COL22A1: variants seen among roughly 807,000 people sequenced by gnomAD.
COL22A1 encodes the protein collagen type XXII alpha 1 chain.
COL22A1 carries 221 observed loss-of-function variants against 248.9 expected under a neutral mutation model. The ratio of observed to expected loss-of-function variants is 0.89; its 90% CI spans 0.80 to 0.99. The LOEUF (loss-of-function observed/expected upper bound fraction) is 0.99. Among genes scored for constraint, COL22A1 ranks in the 50% least tolerant of loss-of-function variants. The probability of loss-of-function intolerance (pLI) is 0.00; values close to 1 mark genes in which losing one functional copy is unlikely to be tolerated. For synonymous variants in COL22A1, 891 were observed against 793.4 expected (o/e 1.12, Z -2.07); for missense variants, 2,240 against 2,179.0 (o/e 1.03, Z -0.56).
At chr8:138,814,662 C>T (rs1818527100) in intron 7 of COL22A1, among the ~76,000 whole-genome samples, 2 of 152,192 alleles carry the variant, frequency 1.3e-5, no homozygotes, top group African/African-American at 2.4e-5. Flanking sequence ...ATGACTGTAG[C>T]ATTGGCCAGC....
chr8:138,665,137 G>A (rs539508109), intron 41 of COL22A1, among the ~76,000 whole-genome samples: 2 of 152,280 alleles, frequency 1.3e-5, no homozygotes, highest in South Asian at 4.1e-4. Context: ...TTTTAAGTGT[G>A]TATTTGGGCA....
intron 1 of COL22A1, among the ~76,000 whole-genome samples, chr8:138,904,382 C>T (rs911372509): frequency 5.3e-5 from 8 of 152,090 alleles, no homozygotes; most frequent in African/African-American, 1.9e-4. Flanking sequence ...CTGGCCCAAC[C>T]CCTGCGGCCT....
At chr8:138,599,678 T>C (rs1479505096) in intron 60 of COL22A1, among the ~76,000 whole-genome samples, 3 of 151,948 alleles carry the variant, frequency 2.0e-5, no homozygotes, top group Non-Finnish European at 4.4e-5. Flanking sequence ...TGAACTATGA[T>C]CATGCCACTG....
Position 138,589,198 on chromosome 8 carries a change from G to C in COL22A1, c.*55C>G. The C allele has an allele frequency of 1.3e-6, 2 of 1,554,390 alleles. No individual in the cohort carries two copies. Among genetic ancestry groups the C allele is most frequent in the Non-Finnish European group, 1.8e-6 (2 of 1,133,104 alleles). On this transcript the variant is annotated 3_prime_UTR_variant, in exon 65 of 65. Coordinates refer to ENST00000303045, the MANE Select transcript of COL22A1 (RefSeq NM_152888.3). ...TTCAAGACCTCTGGCTTCCCACTGG[G>C]CTCTGAGTTCAAGTTTCAGAAATCC...
At position 138,805,436 on chromosome 8, in the gene COL22A1, G is replaced by A. The variant is rs566660924; in HGVS notation, c.1494+2332C>T. ...GTAAAGGTTGTGTATGGTGGTGTGGGATGGTGTGTGGTGTGTGTGATGGTG... is the reference window on the plus strand; with the variant it reads ...GTAAAGGTTGTGTATGGTGGTGTGGAATGGTGTGTGGTGTGTGTGATGGTG... On this transcript the variant is annotated intron_variant, in intron 10 of 64. Coordinates refer to ENST00000303045, the MANE Select transcript of COL22A1 (RefSeq NM_152888.3). 3.2e-4 allele frequency among the ~76,000 whole-genome samples: 42 copies of A among 130,900 alleles called. No homozygotes were observed. The East Asian group carries it at 7.7e-3, about 24-fold the overall frequency. 85.9% of individuals were successfully genotyped at this position (130,900 alleles called of 152,430 possible). A position where few individuals can be genotyped will look rare whatever the true frequency, so the allele number is the denominator to read the frequency against.
intron 16 of COL22A1, among the ~76,000 whole-genome samples, chr8:138,774,257 A>G (rs1255822810): frequency 1.3e-5 from 2 of 152,164 alleles, no homozygotes; most frequent in Non-Finnish European, 2.9e-5. Flanking sequence ...TCCCTGAATG[A>G]AAAGGGACCT....
intron 35 of COL22A1, among the ~76,000 whole-genome samples, chr8:138,691,641 AC>A (rs1826897210): frequency 2.2e-5 from 3 of 138,100 alleles, no homozygotes; most frequent in Admixed American, 7.2e-5. Context: ...GTATGTGTGC[AC>A]GTGCGTGTAT....
chr8:138,875,635 G>A (rs968290768), intron 3 of COL22A1, among the ~76,000 whole-genome samples: 1 of 152,134 alleles, frequency 6.6e-6, no homozygotes, highest in East Asian at 1.9e-4. Flanking sequence ...GATCCAGTGT[G>A]CACCTGGATC....
chr8:138,683,275 A>G (rs1826094123), intron 39 of COL22A1, among the ~76,000 whole-genome samples: 1 of 152,232 alleles, frequency 6.6e-6, no homozygotes. Flanking sequence ...CATGCAGTAT[A>G]TAAAGTAATG....
At chr8:138,796,895 C>A in intron 11 of COL22A1, 38 bp from the exon 12 acceptor site, 1 of 1,377,852 alleles carries the variant, frequency 7.3e-7, no homozygotes, top group South Asian at 1.2e-5. Context: ...CACTACAGAG[C>A]ATCTCCATGG....
intron 50 of COL22A1, among the ~76,000 whole-genome samples, chr8:138,628,313 A>C (rs914301727): frequency 1.4e-4 from 21 of 150,660 alleles, no homozygotes; most frequent in African/African-American, 4.8e-4. Context: ...TTGGCTGGGC[A>C]CCGTGGCTCA....
chr8:138,888,254 C>A (rs1202791693), intron 1 of COL22A1, among the ~76,000 whole-genome samples: 1 of 152,098 alleles, frequency 6.6e-6, no homozygotes, highest in Non-Finnish European at 1.5e-5. Flanking sequence ...GAGGGAGGAT[C>A]AAGTGAGTGC....
Position 138,878,169 on chromosome 8 carries a change from A to G in COL22A1, c.239T>C (p.Val80Ala). Residue 80 changes from valine (V) to alanine (A), a missense_variant, in exon 3 of 65, where the codon GTG becomes GCG. Physicochemically the swap from Val to Ala is moderately conservative, Grantham distance 64. Transcript: ENST00000303045. ...CGTGGTGGGCCGGTCGCTGTAGCGC[A>G]CGACCCCCACACGGGTGCGGTCGGG... ...VGPDRTRVGV[V>A]RYSDRPTTAF... 6.2e-7 allele frequency: 1 copy of G among 1,604,578 alleles called. No homozygotes were observed. The highest frequency in any genetic ancestry group is 8.5e-7 in the Non-Finnish European group (1 of 1,176,390).
chr8:138,758,337 C>T (rs768732406), intron 18 of COL22A1, among the ~76,000 whole-genome samples: 17 of 152,140 alleles, frequency 1.1e-4, no homozygotes, highest in Non-Finnish European at 1.9e-4. Context: ...AGATTCCTGC[C>T]CTCAGAATCG....
At chr8:138,707,179 T>G (rs893919000) in intron 30 of COL22A1, among the ~76,000 whole-genome samples, 1 of 152,136 alleles carries the variant, frequency 6.6e-6, no homozygotes, top group Non-Finnish European at 1.5e-5. Context: ...CAGGACCAGA[T>G]GCATTCACAG....
intron 49 of COL22A1, among the ~76,000 whole-genome samples, chr8:138,633,942 G>C (rs187474059): frequency 6.6e-6 from 1 of 152,142 alleles, no homozygotes; most frequent in Admixed American, 6.5e-5. Flanking sequence ...TAACATCAAA[G>C]GCGCTTGGGA....
intron 7 of COL22A1, among the ~76,000 whole-genome samples, chr8:138,815,678 A>C (rs1250845411): frequency 6.6e-6 from 1 of 152,162 alleles, no homozygotes; most frequent in Non-Finnish European, 1.5e-5. Context: ...TAGAACATAG[A>C]CCACGAGGGC....
intron 7 of COL22A1, among the ~76,000 whole-genome samples, chr8:138,820,879 T>G (rs1454832166): frequency 6.6e-6 from 1 of 152,210 alleles, no homozygotes; most frequent in Non-Finnish European, 1.5e-5. Flanking sequence ...GCCTGGCACA[T>G]AGTAGGTGCT....
intron 3 of COL22A1, among the ~76,000 whole-genome samples, chr8:138,861,524 G>A (rs374910022): frequency 2.6e-5 from 4 of 152,296 alleles, no homozygotes; most frequent in African/African-American, 4.8e-5. Flanking sequence ...GCGCAGCGCC[G>A]CCTTCTGGGG....
Sources: allele counts gnomAD v4.1 joint callset (sites outside exome capture counted in the v4.1 genomes callset), GRCh38; gene constraint gnomAD v4.1.1; transcripts MANE v1.5; gene names NCBI Gene and HGNC (gene_info 2026-07-23, HGNC 2026-07-21).